IFI16: variants seen among roughly 807,000 people sequenced by gnomAD.
IFI16 encodes the protein gamma-interferon-inducible protein 16.
IFI16 carries 49 observed loss-of-function variants against 68.4 expected under a neutral mutation model. The observed-to-expected ratio is 0.72, with a 90% CI of 0.57 to 0.91. The LOEUF is 0.91. IFI16 is among the 40% of genes least tolerant of loss of function. IFI16 has a pLI of 0.00. For synonymous variants in IFI16, 307 were observed against 315.0 expected, an observed-to-expected ratio of 0.97 and a Z score of 0.27; for missense variants, 878 against 942.9, an observed-to-expected ratio of 0.93 and a Z score of 0.90.
chr1:159,019,252 T>C (rs1024872348), intron 5 of IFI16, among the ~76,000 whole-genome samples: 1 of 126,614 alleles, frequency 7.9e-6, no homozygotes, highest in Non-Finnish European at 1.5e-5. Context: ...GTCATTTATA[T>C]ATAAATAACA....
upstream of IFI16, among the ~76,000 whole-genome samples, chr1:159,008,438 G>C (rs1464923587): frequency 6.6e-6 from 1 of 152,196 alleles, no homozygotes; most frequent in Admixed American, 6.5e-5. Context: ...TTTGTGGTAT[G>C]AATTATGGAG....
chr1:159,046,946 G>C (rs1431174583), intron 8 of IFI16, among the ~76,000 whole-genome samples: 1 of 151,008 alleles, frequency 6.6e-6, no homozygotes, highest in Non-Finnish European at 1.5e-5. Context: ...CACAGAGGTG[G>C]GAAAGTGAAT....
intron 1 of IFI16, 31 bp from the exon 2 acceptor site, chr1:159,014,630 G>T (rs1404580005): frequency 6.9e-7 from 1 of 1,439,322 alleles, no homozygotes; most frequent in Non-Finnish European, 9.4e-7. Flanking sequence ...GTATACATGT[G>T]TAACACTGTA....
intron 6 of IFI16, among the ~76,000 whole-genome samples, chr1:159,029,238 T>A (rs1653848751): frequency 6.6e-6 from 1 of 152,216 alleles, no homozygotes; most frequent in Non-Finnish European, 1.5e-5. Flanking sequence ...AGACTTGATC[T>A]TTCATTTATG....
intron 7 of IFI16, among the ~76,000 whole-genome samples, chr1:159,044,528 A>C (rs1654862588): frequency 6.6e-6 from 1 of 152,158 alleles, no homozygotes; most frequent in Non-Finnish European, 1.5e-5. Context: ...GCCACTTAAA[A>C]AATTAGGTTA....
At chr1:159,037,615 A>G (rs1033118925) in intron 7 of IFI16, among the ~76,000 whole-genome samples, 1 of 152,224 alleles carries the variant, frequency 6.6e-6, no homozygotes, top group Non-Finnish European at 1.5e-5. Flanking sequence ...TTACTCAACG[A>G]AATCTACAAT....
Position 159,014,748 on chromosome 1 carries a change from G to A in IFI16, c.68G>A (p.Arg23Lys). The A allele has an allele frequency of 6.2e-7, 1 of 1,609,696 alleles. No homozygotes were observed. Among genetic ancestry groups the A allele is most frequent in the South Asian group, 1.1e-5 (1 of 90,898 alleles). ...GAGGTCATCAATGATTATCATTTTA[G>A]AATGGTTAAGTCCTTACTGAGCAAC... ...GLEVINDYHF[R>K]MVKSLLSNDL... The change falls in exon 2 of 12, where the codon AGA becomes AAA. Residue 23 changes from arginine (R) to lysine (K), a missense_variant. Arg to Lys is a conservative substitution (Grantham distance 26). Coordinates refer to ENST00000295809, the MANE Select transcript of IFI16 (RefSeq NM_001376587.1).
At chr1:159,008,723 A>G (rs1349332943), upstream of IFI16, among the ~76,000 whole-genome samples, 2 of 152,318 alleles carry the variant, frequency 1.3e-5, no homozygotes, top group East Asian at 3.9e-4. Flanking sequence ...ACGAACACCC[A>G]GAGATGTTTA....
intron 7 of IFI16, among the ~76,000 whole-genome samples, chr1:159,043,351 G>T (rs1285802106): frequency 6.6e-6 from 1 of 152,352 alleles, no homozygotes; most frequent in South Asian, 2.1e-4. Context: ...GCTTGGAAGT[G>T]ACACTTTCTA....
At position 159,027,556 on chromosome 1, in the gene IFI16, G is replaced by A. The variant is rs566229137; in HGVS notation, c.1162-4968G>A. The stretch of plus-strand genomic sequence containing the variant: ...ATACTGGCTTCATAGAATGATTTAG[G>A]GAGGATTCTCTCTTTCTCTATCTTG... On this transcript the variant is annotated intron_variant, in intron 6 of 11. Coordinates refer to ENST00000295809, the MANE Select transcript of IFI16 (RefSeq NM_001376587.1). 2.6e-5 allele frequency among the ~76,000 whole-genome samples: 4 copies of A among 152,064 alleles called. 1 individual carries two copies. The highest frequency in any genetic ancestry group is 2.6e-4 in the Admixed American group (4 of 15,280).
At chr1:159,051,525 A>G (rs1344556573) in intron 9 of IFI16, among the ~76,000 whole-genome samples, 154 bp from the exon 10 acceptor site, 2 of 152,178 alleles carry the variant, frequency 1.3e-5, no homozygotes, top group African/African-American at 2.4e-5. Flanking sequence ...TACCTAAATC[A>G]TACTATCTCA....
upstream of IFI16, among the ~76,000 whole-genome samples, chr1:159,009,537 A>AG: frequency 1.3e-5 from 2 of 152,316 alleles, no homozygotes; most frequent in African/African-American, 4.8e-5. Context: ...CTTATATTTG[A>AG]GCATCATTTA....
At chr1:159,045,556 T>G in intron 8 of IFI16, 92 bp downstream of exon 8, 2 of 1,412,520 alleles carry the variant, frequency 1.4e-6, no homozygotes, top group Admixed American at 4.4e-5. Context: ...AATCCCCTAC[T>G]ACATACAATG....
intron 7 of IFI16, among the ~76,000 whole-genome samples, chr1:159,039,094 A>C (rs887694269): frequency 6.6e-6 from 1 of 152,194 alleles, no homozygotes; most frequent in Admixed American, 6.5e-5. Flanking sequence ...ACCTCAATGG[A>C]GGGGCTTAAC....
At chr1:159,018,971 CAT>C (rs1342779177) in intron 5 of IFI16, among the ~76,000 whole-genome samples, 2 of 152,298 alleles carry the variant, frequency 1.3e-5, no homozygotes, top group Middle Eastern at 3.4e-3. Flanking sequence ...TCCATACACA[CAT>C]GATACTAAGT....
intron 7 of IFI16, among the ~76,000 whole-genome samples, chr1:159,040,859 T>C (rs1209270087): frequency 6.6e-6 from 1 of 152,240 alleles, no homozygotes; most frequent in African/African-American, 2.4e-5. Context: ...ATGAGAACAC[T>C]AGCGTTCATA....
chr1:159,019,519 C>T (rs1009579260), intron 5 of IFI16, among the ~76,000 whole-genome samples: 16 of 149,892 alleles, frequency 1.1e-4, no homozygotes, highest in Admixed American at 6.6e-5. Flanking sequence ...AGCGCAGTGG[C>T]GCGATCTCGG....
chr1:159,027,179 T>A (rs2101854959), intron 6 of IFI16, among the ~76,000 whole-genome samples: 1 of 152,338 alleles, frequency 6.6e-6, no homozygotes, highest in East Asian at 1.9e-4. Context: ...AGACGGCTTT[T>A]ATTACCTTAA....
chr1:159,021,759 C>T (rs369677872), intron 6 of IFI16, among the ~76,000 whole-genome samples: 2 of 151,934 alleles, frequency 1.3e-5, no homozygotes, highest in African/African-American at 2.4e-5. Context: ...TCGATGCCAG[C>T]GTCTGTTTTT....
Sources: gnomAD v4.1 joint callset for allele counts (sites outside exome capture counted in the v4.1 genomes callset) on GRCh38, gnomAD v4.1.1 for gene constraint, MANE v1.5 for transcripts, NCBI Gene and HGNC (gene_info 2026-07-23, HGNC 2026-07-21) for gene names.